The following PRKCA variants were observed in gnomAD, a reference collection of about 807,000 sequenced individuals.
PRKCA encodes the protein protein kinase C alpha type.
Under a neutral mutation model 87.0 loss-of-function variants are expected in PRKCA, and 27 were observed. That is an observed-to-expected ratio of 0.31 (90% CI 0.23 to 0.43). PRKCA has a LOEUF of 0.43. PRKCA is among the 20% of genes least tolerant of loss of function. The probability of loss-of-function intolerance (pLI) is 1.00; values close to 1 mark genes in which losing one functional copy is unlikely to be tolerated. For synonymous variants in PRKCA, 329 were observed against 311.1 expected, an observed-to-expected ratio of 1.06 and a Z score of -0.61; for missense variants, 518 against 852.3, an observed-to-expected ratio of 0.61 and a Z score of 4.88.
intron 3 of PRKCA, among the ~76,000 whole-genome samples, chr17:66,563,992 TTCC>T (rs1968801192): frequency 2.9e-5 from 4 of 140,098 alleles, no homozygotes; most frequent in Non-Finnish European, 4.6e-5. Context: ...CCTTCCTTCC[TTCC>T]TTCCTTCCTC....
chr17:66,594,171 C>T (rs1969900476), intron 3 of PRKCA, among the ~76,000 whole-genome samples: 1 of 152,196 alleles, frequency 6.6e-6, no homozygotes, highest in South Asian at 2.1e-4. Context: ...CTCTTTTTCC[C>T]AACCATGGCT....
intron 4 of PRKCA, 102 bp from the exon 5 acceptor site, chr17:66,645,281 T>C: frequency 1.3e-6 from 2 of 1,510,096 alleles, no homozygotes; most frequent in East Asian, 4.6e-5. Context: ...AAGTATCGAG[T>C]TGGGGGTAAC....
chr17:66,656,729 G>A (rs1971743628), intron 5 of PRKCA, among the ~76,000 whole-genome samples: 1 of 152,250 alleles, frequency 6.6e-6, no homozygotes, highest in Non-Finnish European at 1.5e-5. Flanking sequence ...TCAAAAGGGT[G>A]GAAAACTTGA....
intron 5 of PRKCA, among the ~76,000 whole-genome samples, chr17:66,681,355 A>T (rs193261460): frequency 3.3e-5 from 5 of 152,266 alleles, no homozygotes; most frequent in Admixed American, 3.3e-4. Flanking sequence ...ACTTTGGAAC[A>T]CCTAGTTGCT....
In PRKCA at chr17:66,689,780, T is replaced by C. The variant is rs1201290069; in HGVS notation, c.918+733T>C. Among the ~76,000 whole-genome samples, 1 of 152,228 alleles carries C rather than the reference T, an allele frequency of 6.6e-6. No homozygotes were observed. The highest frequency in any genetic ancestry group is 2.4e-5 in the African/African-American group (1 of 41,452). On this transcript the variant is annotated intron_variant, in intron 8 of 16. Coordinates refer to ENST00000413366, the MANE Select transcript of PRKCA (RefSeq NM_002737.3). The surrounding 1 kb of genome is among the most constrained non-coding windows in gnomAD (Gnocchi z 4.1). ...TGTTTTAAAGGCACAACTTCTAATA[T>C]TTGTCTGTTTCTCTAATCACCCTTC... is the stretch of plus-strand genomic sequence containing the variant.
chr17:66,362,127 C>T (rs1030488558), intron 2 of PRKCA, among the ~76,000 whole-genome samples: 1 of 152,148 alleles, frequency 6.6e-6, no homozygotes, highest in Admixed American at 6.5e-5. Flanking sequence ...CCTCTGCCTC[C>T]CGGGTTCAAG....
chr17:66,726,248 A>C (rs1296924219), intron 8 of PRKCA, among the ~76,000 whole-genome samples: 5 of 151,868 alleles, frequency 3.3e-5, no homozygotes, highest in African/African-American at 1.2e-4. Flanking sequence ...AGGTGTTCGC[A>C]GGTGTGCAGG....
chr17:66,787,376 C>A (rs1401081810), intron 15 of PRKCA, among the ~76,000 whole-genome samples: 1 of 152,108 alleles, frequency 6.6e-6, no homozygotes, highest in Non-Finnish European at 1.5e-5. Context: ...GGATTGGAAT[C>A]CCAATACTTC....
At chr17:66,421,711 T>C (rs568094275) in intron 2 of PRKCA, among the ~76,000 whole-genome samples, 65 of 151,200 alleles carry the variant, frequency 4.3e-4, no homozygotes, top group Middle Eastern at 3.4e-3. Context: ...TTTTTTTTTT[T>C]TTTTTTCTTT....
At chr17:66,681,324 AT>A (rs200079905) in intron 5 of PRKCA, among the ~76,000 whole-genome samples, 2,158 of 151,462 alleles carry the variant, frequency 0.014, 41 homozygotes, top group African/African-American at 0.05. Context: ...GCATTGAGTT[AT>A]TTTTTTTTAA....
At chr17:66,539,420 T>A (rs992711380) in intron 3 of PRKCA, among the ~76,000 whole-genome samples, 16 of 152,184 alleles carry the variant, frequency 1.1e-4, no homozygotes, top group African/African-American at 3.9e-4. Context: ...TTTTTTTTTT[T>A]TGAGATGGAG....
At chr17:66,421,886 T>G (rs190709612) in intron 2 of PRKCA, among the ~76,000 whole-genome samples, 3 of 152,170 alleles carry the variant, frequency 2.0e-5, no homozygotes, top group Admixed American at 6.5e-5. Flanking sequence ...ACCCACTGTT[T>G]AGTTTGCTAG....
chr17:66,567,960 C>A (rs1968950195), intron 3 of PRKCA, among the ~76,000 whole-genome samples: 2 of 152,062 alleles, frequency 1.3e-5, no homozygotes. Flanking sequence ...AATTCTTAAA[C>A]GGATTATAAA....
chr17:66,678,532 G>A (rs1567971485), intron 5 of PRKCA, among the ~76,000 whole-genome samples: 1 of 152,172 alleles, frequency 6.6e-6, no homozygotes, highest in Non-Finnish European at 1.5e-5. Flanking sequence ...GTGAGCTTTA[G>A]CATACTCCAC....
intron 3 of PRKCA, among the ~76,000 whole-genome samples, chr17:66,509,212 AGAGAT>A (rs1917117271): frequency 7.1e-6 from 1 of 141,010 alleles, no homozygotes; most frequent in African/African-American, 2.6e-5. Context: ...GTGTGTGTAA[AGAGAT>A]TTAATATAAG....
At chr17:66,396,699 G>A (rs1193557150) in intron 2 of PRKCA, among the ~76,000 whole-genome samples, 4 of 143,142 alleles carry the variant, frequency 2.8e-5, no homozygotes, top group African/African-American at 7.8e-5. Flanking sequence ...CGCGATCTCC[G>A]CTCACTGCAA....
At chr17:66,437,204 C>A (rs76321210) in intron 2 of PRKCA, among the ~76,000 whole-genome samples, 230 of 152,260 alleles carry the variant, frequency 1.5e-3, no homozygotes, top group African/African-American at 5.2e-3. Flanking sequence ...AGGAGAAAGG[C>A]CCTGCTGAGC....
chr17:66,446,076 A>T (rs528796215), intron 2 of PRKCA, among the ~76,000 whole-genome samples: 1 of 152,268 alleles, frequency 6.6e-6, no homozygotes, highest in East Asian at 1.9e-4. Flanking sequence ...GGCCTCCCTA[A>T]GTGCTGGGAT....
chr17:66,378,631 G>A (rs1175258898), intron 2 of PRKCA, among the ~76,000 whole-genome samples: 16 of 152,218 alleles, frequency 1.1e-4, no homozygotes, highest in Admixed American at 1.0e-3. Flanking sequence ...TGGGCGTAAA[G>A]TCTCACGCCT....
Sources: gnomAD v4.1 joint callset for allele counts (sites outside exome capture counted in the v4.1 genomes callset) on GRCh38, gnomAD v4.1.1 for gene constraint, Gnocchi (gnomAD v3.1) non-coding constraint, MANE v1.5 for transcripts, NCBI Gene and HGNC (gene_info 2026-07-23, HGNC 2026-07-21) for gene names.